Variants in SNX8 observed in about 807,000 individuals in gnomAD.
SNX8 encodes the protein sorting nexin-8.
SNX8 carries 25 observed loss-of-function variants against 51.6 expected under a neutral mutation model. The observed-to-expected ratio is 0.48, with a 90% confidence interval of 0.35 to 0.68. The LOEUF (loss-of-function observed/expected upper bound fraction) is 0.68. Among genes scored for constraint, SNX8 ranks in the 30% least tolerant of loss-of-function variants. The probability of loss-of-function intolerance (pLI) is 0.00; values close to 1 mark genes in which losing one functional copy is unlikely to be tolerated. For missense variants in SNX8, 695 were observed against 624.0 expected (o/e 1.11, Z -1.21); for synonymous variants, 324 against 277.0 (o/e 1.17, Z -1.68).
At chr7:2,270,176 CT>C (rs1462846674) in intron 4 of SNX8, among the ~76,000 whole-genome samples, 2 of 152,174 alleles carry the variant, frequency 1.3e-5, no homozygotes, top group East Asian at 1.9e-4. Flanking sequence ...AAGAGGCCTC[CT>C]GGGCAAAGCC....
At chr7:2,317,083 A>T (rs1192152020), upstream of SNX8, among the ~76,000 whole-genome samples, 2 of 151,622 alleles carry the variant, frequency 1.3e-5, no homozygotes, top group Non-Finnish European at 2.9e-5. Flanking sequence ...GTGGTACCAG[A>T]GTTAGGGCTG....
intron 1 of SNX8, among the ~76,000 whole-genome samples, chr7:2,326,620 C>T (rs190375805): frequency 3.9e-5 from 6 of 152,006 alleles, no homozygotes; most frequent in East Asian, 1.9e-4. Flanking sequence ...GAGCCGAGAT[C>T]ACGCCACTGC....
rs764004212 is a variant in SNX8 at position 2,255,066 on chromosome 7, C to A, written c.1388G>T (p.Cys463Phe). 3 of 1,567,692 alleles carry A rather than the reference C, an allele frequency of 1.9e-6. No homozygotes were observed. The South Asian group carries it at 3.5e-5, about 18-fold the overall frequency. The change falls in exon 11 of 11, where the codon TGT becomes TTT. Residue 463 changes from cysteine (C) to phenylalanine (F), a missense_variant. By Grantham distance (205) the Cys-to-Phe change is radical. Transcript: ENST00000222990. Reference protein sequence around the residue: ...PPCSPPEDGLCPH With the variant: ...PPCSPPEDGLFPH ...CCTCAGCCTCAGGCGCTAGTGAGGA[C>A]ACAGGCCGTCCTCCGGCGGGGAGCA...
intron 1 of SNX8, among the ~76,000 whole-genome samples, chr7:2,308,500 T>C (rs1025862187): frequency 6.6e-6 from 1 of 151,700 alleles, no homozygotes; most frequent in Non-Finnish European, 1.5e-5. Flanking sequence ...AAACCCCGAC[T>C]CTACTAAAAA....
intron 1 of SNX8, among the ~76,000 whole-genome samples, chr7:2,329,452 G>C (rs968485274): frequency 2.1e-4 from 32 of 152,062 alleles, no homozygotes; most frequent in Admixed American, 2.1e-3. Flanking sequence ...GTTGTTTTTC[G>C]TGCGGGGGCT....
chr7:2,289,314 T>C (rs534119712), intron 1 of SNX8, among the ~76,000 whole-genome samples: 10 of 152,280 alleles, frequency 6.6e-5, no homozygotes, highest in African/African-American at 2.4e-4. Context: ...TTCTGTTGGC[T>C]CCATAACATA....
intron 5 of SNX8, among the ~76,000 whole-genome samples, chr7:2,267,708 G>A (rs1409161102): frequency 2.0e-5 from 3 of 149,624 alleles, no homozygotes; most frequent in African/African-American, 7.4e-5. Flanking sequence ...AAAGTGCCGA[G>A]ACTGCAGCCT....
Position 2,253,373 on chromosome 7 carries a change from G to A in SNX8, c.*1683C>T, listed in dbSNP as rs1192065012. 3 of 152,804 alleles carry A rather than the reference G, an allele frequency of 2.0e-5. No homozygotes were observed. Among genetic ancestry groups the A allele is most frequent in the Non-Finnish European group, 2.9e-5 (2 of 68,384 alleles). 9.5% of individuals were successfully genotyped at this position (152,804 alleles called of 1,614,324 possible). A position where few individuals can be genotyped will look rare whatever the true frequency, so the allele number is the denominator to read the frequency against. ...GCCCCAGGAAGGTGCGGGGTGGACG[G>A]AGAGGCCTTGCAGCCTTCTGCCCAC... On this transcript the variant is annotated 3_prime_UTR_variant, in exon 11 of 11. Coordinates refer to ENST00000222990, the MANE Select transcript of SNX8 (RefSeq NM_013321.4).
chr7:2,255,299 T>C, intron 10 of SNX8, 130 bp from the exon 11 acceptor site: 1 of 618,156 alleles, frequency 1.6e-6, no homozygotes, highest in South Asian at 2.0e-5. Flanking sequence ...TCCTCAAACC[T>C]CTGGCAGAAC....
intron 1 of SNX8, among the ~76,000 whole-genome samples, chr7:2,297,718 A>G (rs756174634): frequency 7.9e-5 from 12 of 151,874 alleles, no homozygotes; most frequent in Non-Finnish European, 1.5e-4. Context: ...ATAGAAAAGA[A>G]TGAAATCATG....
At chr7:2,314,100 G>A (rs571880874) in intron 1 of SNX8, among the ~76,000 whole-genome samples, 2 of 152,320 alleles carry the variant, frequency 1.3e-5, no homozygotes, top group African/African-American at 2.4e-5. Flanking sequence ...GGCGCAGGAG[G>A]GCAGGGGACC....
chr7:2,315,940 A>G (rs1796748200), upstream of SNX8, among the ~76,000 whole-genome samples: 1 of 148,494 alleles, frequency 6.7e-6, no homozygotes, highest in Non-Finnish European at 1.5e-5. Flanking sequence ...TGCATCCTGC[A>G]TTCATTCATC....
intron 1 of SNX8, among the ~76,000 whole-genome samples, chr7:2,300,787 C>G (rs538001002): frequency 6.6e-6 from 1 of 152,054 alleles, no homozygotes; most frequent in African/African-American, 2.4e-5. Context: ...GGATTATAGG[C>G]GCATGCCACC....
At chr7:2,284,326 G>A (rs116299991) in intron 1 of SNX8, among the ~76,000 whole-genome samples, 3,437 of 151,328 alleles carry the variant, frequency 0.023, 116 homozygotes, top group African/African-American at 0.079. Flanking sequence ...GAAGGAATTC[G>A]ATCCCTTGTC....
intron 1 of SNX8, among the ~76,000 whole-genome samples, chr7:2,351,779 C>A (rs543789181): frequency 2.0e-5 from 3 of 147,512 alleles, no homozygotes; most frequent in Non-Finnish European, 4.5e-5. Flanking sequence ...TGCAGTGATC[C>A]GAGATAGCAC....
rs529803591 is a variant in SNX8 at position 2,302,541 on chromosome 7, G to A, written c.94+11787C>T. On this transcript the variant is annotated intron_variant, in intron 1 of 10. Coordinates refer to ENST00000222990, the MANE Select transcript of SNX8 (RefSeq NM_013321.4). ...GCCACCACCCCGTCTGGGAAGTGAG[G>A]AGCGTCTCTGCCTGGCCGCCCATCG... Among the ~76,000 whole-genome samples, 526 of 152,324 alleles carry A rather than the reference G, an allele frequency of 3.5e-3. 1 individual carries two copies. Among genetic ancestry groups the A allele is most frequent in the African/African-American group, 0.012 (500 of 41,570 alleles).
intron 1 of SNX8, among the ~76,000 whole-genome samples, chr7:2,351,234 T>G (rs183144096): frequency 4.5e-4 from 69 of 152,282 alleles, no homozygotes; most frequent in African/African-American, 1.6e-3. Flanking sequence ...GCCTCAGGTT[T>G]CCCACTCCTT....
rs1007457325 is a variant in SNX8, at chr7:2,263,338, C to T, written c.807G>A (p.Pro269=). 1.5e-5 allele frequency: 24 copies of T among 1,609,308 alleles called. No homozygotes were observed. The highest frequency in any genetic ancestry group is 1.2e-4 in the African/African-American group (9 of 74,852). Residue 269 remains proline, a synonymous_variant, in exon 7 of 11, where the codon CCG becomes CCA. Transcript: ENST00000222990. ...TATTCAGAGCGGCCCAGGAGGGCAG[C>T]GGGGTCGTGTCAGACCCTATTGCAC... is the stretch of plus-strand genomic sequence containing the variant. ...ELSAIGSDTT[P]LPSWAALNSS...
chr7:2,335,927 C>T (rs1445242204), intron 1 of SNX8, among the ~76,000 whole-genome samples: 2 of 151,426 alleles, frequency 1.3e-5, no homozygotes, highest in African/African-American at 2.4e-5. Flanking sequence ...CATGGTGAAA[C>T]CCCATCTCTA....
Sources: allele counts gnomAD v4.1 joint callset (sites outside exome capture counted in the v4.1 genomes callset), GRCh38; gene constraint gnomAD v4.1.1; transcripts MANE v1.5; gene names NCBI Gene and HGNC (gene_info 2026-07-23, HGNC 2026-07-21).